SORCS2: variants seen among roughly 807,000 people sequenced by gnomAD.
SORCS2 encodes VPS10 domain-containing receptor SorCS2.
Under a neutral mutation model 141.6 loss-of-function variants are expected in SORCS2, and 100 were observed. The ratio of observed to expected loss-of-function variants is 0.71; its 90% confidence interval spans 0.60 to 0.83. The LOEUF is 0.83. Among genes scored for constraint, SORCS2 ranks in the 40% least tolerant of loss-of-function variants. The probability of loss-of-function intolerance (pLI) is 0.00; values close to 1 mark genes in which losing one functional copy is unlikely to be tolerated. For synonymous variants in SORCS2, 789 were observed against 676.9 expected, an observed-to-expected ratio of 1.17 and a Z score of -2.57; for missense variants, 1,646 against 1,560.2, an observed-to-expected ratio of 1.05 and a Z score of -0.93.
At chr4:7,453,892 G>C (rs1348366241) in intron 2 of SORCS2, among the ~76,000 whole-genome samples, 16 of 113,472 alleles carry the variant, frequency 1.4e-4, no homozygotes, top group South Asian at 6.5e-4. Flanking sequence ...GGGTCAGGAG[G>C]TGTGTGTTGG....
intron 1 of SORCS2, among the ~76,000 whole-genome samples, chr4:7,341,880 C>G (rs141595845): frequency 1.9e-3 from 289 of 152,314 alleles, no homozygotes; most frequent in African/African-American, 6.6e-3. Flanking sequence ...TCCCTGGCAG[C>G]CACCAAGCTG....
intron 7 of SORCS2, among the ~76,000 whole-genome samples, chr4:7,665,059 G>A (rs1266498167): frequency 6.6e-6 from 1 of 152,204 alleles, no homozygotes; most frequent in African/African-American, 2.4e-5. Flanking sequence ...CTGAGACAGA[G>A]TCTGCGTCAT....
intron 4 of SORCS2, among the ~76,000 whole-genome samples, chr4:7,643,575 G>A (rs1720872392): frequency 6.6e-6 from 1 of 152,204 alleles, no homozygotes; most frequent in Non-Finnish European, 1.5e-5. Context: ...CTTCCTGGAG[G>A]AGGAATGTTC....
chr4:7,705,781 C>T (rs957529519), intron 14 of SORCS2, among the ~76,000 whole-genome samples: 73 of 152,392 alleles, frequency 4.8e-4, no homozygotes, highest in Non-Finnish European at 7.3e-5. Context: ...GGCTCTTCCA[C>T]TGGCCCCTGA....
At chr4:7,386,035 G>T (rs1723272853) in intron 1 of SORCS2, among the ~76,000 whole-genome samples, 2 of 152,202 alleles carry the variant, frequency 1.3e-5, no homozygotes, top group Admixed American at 1.3e-4. Context: ...TTTGCCAAGT[G>T]GAGCAGCCAC....
chr4:7,400,778 G>T (rs1449228629), intron 2 of SORCS2, among the ~76,000 whole-genome samples: 2 of 150,834 alleles, frequency 1.3e-5, no homozygotes, highest in African/African-American at 4.9e-5. Flanking sequence ...TGTATGGATG[G>T]ATGGACAGAT....
chr4:7,224,967 G>A (rs1002106095), intron 1 of SORCS2, among the ~76,000 whole-genome samples: 2 of 152,234 alleles, frequency 1.3e-5, no homozygotes, highest in Admixed American at 6.5e-5. Context: ...TCTACCTCAT[G>A]GAGAGTGATG....
intron 2 of SORCS2, among the ~76,000 whole-genome samples, chr4:7,424,036 C>T (rs1399082854): frequency 6.6e-6 from 1 of 152,174 alleles, no homozygotes; most frequent in Non-Finnish European, 1.5e-5. Context: ...GGTCTGTGCA[C>T]AGCTGGGAGG....
rs1553885413 is a variant in SORCS2, at chr4:7,565,838, G to GTGA, written c.648+34212_648+34214dup. ...GATGATGGCAATGGTGATGATGATG[G>GTGA]TGATGGTGATGATGGTGATGATGGT... On this transcript the variant is annotated intron_variant, in intron 3 of 26. Coordinates refer to ENST00000507866, the MANE Select transcript of SORCS2 (RefSeq NM_020777.3). Among the ~76,000 whole-genome samples the GTGA allele has an allele frequency of 1.5e-5, 2 of 136,434 alleles. 1 individual carries two copies. The highest frequency in any genetic ancestry group is 1.4e-4 in the Admixed American group (2 of 14,032). 89.5% of individuals were successfully genotyped at this position (136,434 alleles called of 152,430 possible). A position where few individuals can be genotyped will look rare whatever the true frequency, so the allele number is the denominator to read the frequency against.
chr4:7,332,312 C>T (rs551731637), intron 1 of SORCS2, among the ~76,000 whole-genome samples: 1 of 152,320 alleles, frequency 6.6e-6, no homozygotes, highest in Middle Eastern at 3.4e-3. Context: ...GCTCTGTCCA[C>T]GTCTCAGCTC....
At chr4:7,584,061 C>A (rs538965571) in intron 3 of SORCS2, among the ~76,000 whole-genome samples, 1 of 152,214 alleles carries the variant, frequency 6.6e-6, no homozygotes, top group African/African-American at 2.4e-5. Flanking sequence ...CTGTGTCTTG[C>A]GGACACTAAC....
chr4:7,731,330 C>T (rs538017021), intron 23 of SORCS2, among the ~76,000 whole-genome samples: 25 of 152,182 alleles, frequency 1.6e-4, no homozygotes, highest in Middle Eastern at 3.4e-3. Flanking sequence ...CACAAATCGA[C>T]GGAAAGATAC....
rs142906474 is a variant in SORCS2 at position 7,594,184 on chromosome 4, G to A, written c.649-44144G>A. Reference sequence around the variant, plus strand: ...GAGAGCTGGTACTCTGCCCCCTGCTGCCTCGGGAAGTGCTCTGGCCTCGGT... The same window carrying A: ...GAGAGCTGGTACTCTGCCCCCTGCTACCTCGGGAAGTGCTCTGGCCTCGGT... On this transcript the variant is annotated intron_variant, in intron 3 of 26. Transcript: ENST00000507866. Among the ~76,000 whole-genome samples, 139 of 152,324 alleles carry A rather than the reference G, an allele frequency of 9.1e-4. 1 individual carries two copies. Among genetic ancestry groups the A allele is most frequent in the Middle Eastern group, 3.4e-3 (1 of 294 alleles).
chr4:7,354,474 T>G (rs1721131388), intron 1 of SORCS2, among the ~76,000 whole-genome samples: 1 of 151,300 alleles, frequency 6.6e-6, no homozygotes, highest in Non-Finnish European at 1.5e-5. Flanking sequence ...GGGGTAAGCA[T>G]CAGCGTAGGA....
chr4:7,547,653 C>T (rs1713362942), intron 3 of SORCS2, among the ~76,000 whole-genome samples: 1 of 152,200 alleles, frequency 6.6e-6, no homozygotes, highest in African/African-American at 2.4e-5. Context: ...TCCTTCCACC[C>T]ACCTCCCTCC....
chr4:7,597,962 C>CTTTTT (rs902858065), intron 3 of SORCS2, among the ~76,000 whole-genome samples: 3 of 91,540 alleles, frequency 3.3e-5, no homozygotes, highest in Admixed American at 1.2e-4. Flanking sequence ...TTCAGCTAAT[C>CTTTTT]TTTTTTTTTT....
chr4:7,287,161 G>T (rs1239309489), intron 1 of SORCS2, among the ~76,000 whole-genome samples: 1 of 152,190 alleles, frequency 6.6e-6, no homozygotes, highest in East Asian at 1.9e-4. Context: ...CCCAATGAGG[G>T]GTGCAAAGTG....
intron 19 of SORCS2, among the ~76,000 whole-genome samples, chr4:7,724,169 G>GTGGTGATGGTGA (rs1726834299): frequency 8.8e-5 from 13 of 147,588 alleles, no homozygotes; most frequent in African/African-American, 3.3e-4. Flanking sequence ...GGTGATGGTG[G>GTGGTGATGGTGA]TGATGGTGAT....
At chr4:7,567,123 G>T (rs141250955) in intron 3 of SORCS2, among the ~76,000 whole-genome samples, 7 of 152,284 alleles carry the variant, frequency 4.6e-5, no homozygotes, top group African/African-American at 1.7e-4. Context: ...AACTGTTTTA[G>T]GTTTACAGAA....
Sources: gnomAD v4.1 joint callset for allele counts (sites outside exome capture counted in the v4.1 genomes callset) on GRCh38, gnomAD v4.1.1 for gene constraint, MANE v1.5 for transcripts, NCBI Gene and HGNC (gene_info 2026-07-23, HGNC 2026-07-21) for gene names.